CDH7: variants seen among roughly 807,000 people sequenced by gnomAD.
CDH7 encodes the protein cadherin 7.
Under a neutral mutation model 71.8 loss-of-function variants are expected in CDH7, and 25 were observed. The ratio of observed to expected loss-of-function variants is 0.35; its 90% CI spans 0.25 to 0.49. CDH7 has a LOEUF of 0.49. CDH7 is among the 20% of genes least tolerant of loss of function. The pLI is 0.99. For missense variants in CDH7, 862 were observed against 974.6 expected (o/e 0.88, Z 1.54); for synonymous variants, 381 against 363.8 (o/e 1.05, Z -0.54).
intron 11 of CDH7, among the ~76,000 whole-genome samples, chr18:65,868,557 A>G (rs1289209046): frequency 6.6e-6 from 1 of 152,234 alleles, no homozygotes; most frequent in Non-Finnish European, 1.5e-5. Flanking sequence ...GGCACTGCCA[A>G]ATTAGGTGCA....
Position 65,829,544 on chromosome 18 carries a change from A to G in CDH7, c.981+4713A>G, listed in dbSNP as rs533872393. The stretch of plus-strand genomic sequence containing the variant: ...ATTTCACTGTTCCTCAGTTTCACTC[A>G]ACAATCTAGAGCAGTCACTAAACTA... On this transcript the variant is annotated intron_variant, in intron 6 of 11. Transcript: ENST00000397968. Among the ~76,000 whole-genome samples, 15 of 151,740 alleles carry G rather than the reference A, an allele frequency of 9.9e-5. No homozygotes were observed. The South Asian group carries it at 3.1e-3, about 32-fold the overall frequency.
chr18:65,753,303 C>G (rs774401814), intron 1 of CDH7, among the ~76,000 whole-genome samples: 2 of 152,120 alleles, frequency 1.3e-5, no homozygotes, highest in Non-Finnish European at 2.9e-5. Context: ...ACTTTTTTGT[C>G]AGATCTTTCA....
chr18:65,823,745 A>G (rs1308810642), intron 5 of CDH7, among the ~76,000 whole-genome samples: 7 of 151,968 alleles, frequency 4.6e-5, no homozygotes, highest in African/African-American at 9.7e-5. Flanking sequence ...TCCTTTCTAT[A>G]TTCTTCTCAG....
chr18:65,844,294 C>G (rs1435920533), intron 7 of CDH7, among the ~76,000 whole-genome samples: 1 of 150,828 alleles, frequency 6.6e-6, no homozygotes, highest in African/African-American at 2.4e-5. Flanking sequence ...TATTTTTAGG[C>G]CTCCATTACT....
chr18:65,845,013 T>C (rs1912886972), intron 7 of CDH7, among the ~76,000 whole-genome samples: 2 of 152,030 alleles, frequency 1.3e-5, no homozygotes, highest in South Asian at 4.1e-4. Flanking sequence ...TGGTAAGTGC[T>C]TTTGAACTAA....
intron 7 of CDH7, among the ~76,000 whole-genome samples, chr18:65,855,163 C>G (rs568310034): frequency 6.6e-6 from 1 of 151,928 alleles, no homozygotes; most frequent in Admixed American, 6.6e-5. Flanking sequence ...CTACTGTCCC[C>G]TGTCCTGGAG....
rs781084212 is a variant in CDH7 at position 65,887,554 on chromosome 18, T to C, written c.*6660T>C. ...GAAAAATAAGTCACTACACAACTTA[T>C]ATATATTATGTATTTGTCTTTGAAT... On this transcript the variant is annotated 3_prime_UTR_variant, in exon 12 of 12. Transcript: ENST00000397968. 6.6e-6 allele frequency: 1 copy of C among 152,094 alleles called. No homozygotes were observed. The highest frequency in any genetic ancestry group is 6.6e-5 in the Admixed American group (1 of 15,252). The allele number at this position is 152,094 out of a possible 1,614,324, so 9.4% of individuals were successfully genotyped here.
At chr18:65,825,628 AT>A (rs1295696516) in intron 6 of CDH7, among the ~76,000 whole-genome samples, 1 of 151,820 alleles carries the variant, frequency 6.6e-6, no homozygotes, top group African/African-American at 2.4e-5. Context: ...AAGATACGAA[AT>A]TTTTTGTCAG....
chr18:65,758,494 ATCACAATGGT>A (rs1916098334), intron 1 of CDH7, among the ~76,000 whole-genome samples: 1 of 152,240 alleles, frequency 6.6e-6, no homozygotes. Context: ...CTCACTTCAG[ATCACAATGGT>A]TCACACACTG....
intron 4 of CDH7, among the ~76,000 whole-genome samples, chr18:65,819,342 C>G (rs1029137537): frequency 6.6e-6 from 1 of 152,114 alleles, no homozygotes; most frequent in African/African-American, 2.4e-5. Flanking sequence ...GGGCACGCTG[C>G]CTGTGAGTTC....
intron 11 of CDH7, among the ~76,000 whole-genome samples, chr18:65,864,698 C>T (rs1251531512): frequency 2.6e-5 from 4 of 151,092 alleles, no homozygotes; most frequent in Admixed American, 6.6e-5. Context: ...ACCATCCTGG[C>T]TAACACGGTG....
At chr18:65,751,590 G>A (rs1007961832) in intron 1 of CDH7, among the ~76,000 whole-genome samples, 1 of 152,188 alleles carries the variant, frequency 6.6e-6, no homozygotes, top group Non-Finnish European at 1.5e-5. Context: ...AGGCTGGAAG[G>A]GGGTATGCGC....
chr18:65,785,913 A>G (rs940879565), intron 2 of CDH7, among the ~76,000 whole-genome samples: 3 of 152,226 alleles, frequency 2.0e-5, no homozygotes, highest in Admixed American at 6.5e-5. Flanking sequence ...GTTAACCAGC[A>G]TATTATACTA....
At chr18:65,779,320 T>C (rs1910092848) in intron 2 of CDH7, among the ~76,000 whole-genome samples, 2 of 134,902 alleles carry the variant, frequency 1.5e-5, no homozygotes, top group East Asian at 4.5e-4. Flanking sequence ...TTTTTTATTA[T>C]ACTCTAAGTT....
In CDH7 at chr18:65,871,036, C is replaced by T. The variant is rs892512046; in HGVS notation, c.1864+8119C>T. The stretch of plus-strand genomic sequence containing the variant: ...TATCCTCCATAATTCATTATTCTAC[C>T]GTCAGTTAGATAGAATAGAGTAGAT... On this transcript the variant is annotated intron_variant, in intron 11 of 11. Transcript: ENST00000397968. Among the ~76,000 whole-genome samples, 3 of 151,978 alleles carry T rather than the reference C, an allele frequency of 2.0e-5. 1 individual carries two copies. Among genetic ancestry groups the T allele is most frequent in the South Asian group, 4.2e-4 (2 of 4,818 alleles).
intron 1 of CDH7, among the ~76,000 whole-genome samples, chr18:65,753,060 T>C (rs1397382102): frequency 2.6e-5 from 4 of 152,202 alleles, no homozygotes; most frequent in Non-Finnish European, 4.4e-5. Flanking sequence ...TACCCTTGAA[T>C]TGACTCTAGT....
intron 2 of CDH7, among the ~76,000 whole-genome samples, chr18:65,767,224 A>G (rs977983233): frequency 6.6e-6 from 1 of 151,864 alleles, no homozygotes; most frequent in Non-Finnish European, 1.5e-5. Context: ...ATTTAAGCTT[A>G]CTTGGAAGCA....
chr18:65,808,316 A>C (rs1339780672), intron 2 of CDH7, among the ~76,000 whole-genome samples: 1 of 152,244 alleles, frequency 6.6e-6, no homozygotes, highest in Non-Finnish European at 1.5e-5. Flanking sequence ...TGTATTATAA[A>C]TTAGAGGGAG....
At chr18:65,819,227 C>A (rs1016987099) in intron 4 of CDH7, among the ~76,000 whole-genome samples, 1 of 152,164 alleles carries the variant, frequency 6.6e-6, no homozygotes, top group South Asian at 2.1e-4. Context: ...TCAAAATAAT[C>A]TACCCCTCAA....
Sources: allele counts gnomAD v4.1 joint callset (sites outside exome capture counted in the v4.1 genomes callset), GRCh38; gene constraint gnomAD v4.1.1; transcripts MANE v1.5; gene names NCBI Gene and HGNC (gene_info 2026-07-23, HGNC 2026-07-21).